Variants in RNF128 observed in about 807,000 individuals in gnomAD.
RNF128 encodes E3 ubiquitin-protein ligase RNF128.
RNF128 carries 13 observed loss-of-function variants against 26.2 expected under a neutral mutation model. The observed-to-expected ratio is 0.50, with a 90% CI of 0.32 to 0.79. The LOEUF (loss-of-function observed/expected upper bound fraction) is 0.79. RNF128 is among the 30% of genes least tolerant of loss of function. The pLI is 0.03. For missense variants in RNF128, 315 were observed against 349.7 expected (o/e 0.90, Z 0.79); for synonymous variants, 149 against 142.5 (o/e 1.05, Z -0.32).
At chrX:106,703,587 A>G in intron 1 of RNF128, among the ~76,000 whole-genome samples, 1 of 111,664 alleles carries the variant, frequency 9.0e-6, no homozygotes, top group East Asian at 2.8e-4. Context: ...ACTGTAAAAA[A>G]TGGTACAAAA....
At chrX:106,723,582 A>ATATG (rs757962818), upstream of RNF128, among the ~76,000 whole-genome samples, 651 of 110,563 alleles carry the variant, frequency 5.9e-3, 6 homozygotes, top group African/African-American at 0.021. Flanking sequence ...ATATATATAT[A>ATATG]TATGTATGTA....
chrX:106,704,190 CTTT>C (rs372889428), intron 1 of RNF128, among the ~76,000 whole-genome samples: 5 of 110,144 alleles, frequency 4.5e-5, no homozygotes, highest in African/African-American at 1.7e-4. Flanking sequence ...AATCCCAGCA[CTTT>C]GGGGGGCCAA....
intron 1 of RNF128, among the ~76,000 whole-genome samples, chrX:106,705,861 T>C (rs1367444057): frequency 9.0e-6 from 1 of 111,697 alleles, no homozygotes; most frequent in African/African-American, 3.3e-5. Flanking sequence ...ATATGCAAAA[T>C]GACCATATTT....
At chrX:106,746,874 A>T (rs1315745413) in intron 1 of RNF128, among the ~76,000 whole-genome samples, 2 of 111,524 alleles carry the variant, frequency 1.8e-5, no homozygotes, top group Non-Finnish European at 3.8e-5. Flanking sequence ...CGTTATTATT[A>T]ATGACTATTA....
intron 1 of RNF128, among the ~76,000 whole-genome samples, chrX:106,727,766 T>C (rs1233652484): frequency 9.0e-6 from 1 of 111,279 alleles, no homozygotes; most frequent in African/African-American, 3.3e-5. Flanking sequence ...GGAAATCTCT[T>C]CCTCACTCTG....
At chrX:106,790,393 T>C in intron 5 of RNF128, 111 bp downstream of exon 5, 2 of 459,718 alleles carry the variant, frequency 4.4e-6, no homozygotes, top group Non-Finnish European at 7.6e-6. Flanking sequence ...TTATAGTTTA[T>C]ACCTAAAACC....
Position 106,727,282 on chromosome X carries a change from C to T in RNF128, c.369C>T (p.Gly123=), listed in dbSNP as rs764419162. 1.2e-5 allele frequency: 14 copies of T among 1,211,374 alleles called. No homozygotes were observed. The Admixed American group carries it at 3.0e-4, about 26-fold the overall frequency. Residue 123 remains glycine, a synonymous_variant, in exon 1 of 7, where the codon GGC becomes GGT. Coordinates refer to ENST00000255499, the MANE Select transcript of RNF128 (RefSeq NM_194463.2). ...QVSWLALIQR[G]GGCTFADKIH... ...CTTGGTTGGCCCTCATCCAACGCGG[C>T]GGGGGCTGCACCTTCGCAGACAAGA...
At chrX:106,781,507 C>T (rs144926766) in intron 2 of RNF128, among the ~76,000 whole-genome samples, 1,736 of 110,799 alleles carry the variant, frequency 0.016, 34 homozygotes, top group African/African-American at 0.053. Flanking sequence ...AAGAGGGAGG[C>T]TTGCATCTTG....
intron 1 of RNF128, among the ~76,000 whole-genome samples, chrX:106,738,974 T>C (rs1294452165): frequency 8.9e-6 from 1 of 111,806 alleles, no homozygotes; most frequent in Non-Finnish European, 1.9e-5. Flanking sequence ...GAAACCCTGT[T>C]TGACTTTGTT....
intron 1 of RNF128, among the ~76,000 whole-genome samples, chrX:106,719,302 C>A (rs753928789): frequency 5.5e-4 from 61 of 110,663 alleles, no homozygotes; most frequent in African/African-American, 1.8e-3. Context: ...TCACTTCAAC[C>A]TCCCCCACCC....
chrX:106,742,639 ATACT>A (rs932003003), intron 1 of RNF128, among the ~76,000 whole-genome samples: 3 of 111,645 alleles, frequency 2.7e-5, no homozygotes, highest in African/African-American at 9.8e-5. Flanking sequence ...TTTTATAATA[ATACT>A]TACACATTGT....
At chrX:106,726,646 C>G, upstream of RNF128, 1 of 971,105 alleles carries the variant, frequency 1.0e-6, no homozygotes, top group South Asian at 3.2e-5. Context: ...CACCTCTACC[C>G]CCAGTCGGCT....
intron 1 of RNF128, among the ~76,000 whole-genome samples, chrX:106,761,915 A>G (rs1042091014): frequency 1.8e-5 from 2 of 108,579 alleles, no homozygotes; most frequent in African/African-American, 6.7e-5. Context: ...CTAAATTAAG[A>G]ACTTTTTTAT....
intron 1 of RNF128, among the ~76,000 whole-genome samples, chrX:106,765,156 G>C (rs1930195847): frequency 8.9e-6 from 1 of 112,180 alleles, no homozygotes; most frequent in Non-Finnish European, 1.9e-5. Flanking sequence ...ACATGACTCA[G>C]TAGAGTTTTA....
chrX:106,762,864 C>T (rs902877437), intron 1 of RNF128, among the ~76,000 whole-genome samples: 27 of 109,481 alleles, frequency 2.5e-4, no homozygotes, highest in African/African-American at 8.3e-4. Context: ...GACACCGGGG[C>T]CTACTTGAGG....
intron 2 of RNF128, among the ~76,000 whole-genome samples, chrX:106,777,672 G>A (rs1391599890): frequency 1.8e-5 from 2 of 111,595 alleles, no homozygotes; most frequent in African/African-American, 6.5e-5. Flanking sequence ...GATAATCCAC[G>A]GCCTCTTAAT....
chrX:106,752,157 G>A (rs940789005), intron 1 of RNF128, among the ~76,000 whole-genome samples: 1 of 111,014 alleles, frequency 9.0e-6, no homozygotes, highest in Non-Finnish European at 1.9e-5. Flanking sequence ...AAAGACACAA[G>A]CCTGGCTGGA....
At chrX:106,788,395 A>ATT (rs1930713357) in intron 4 of RNF128, among the ~76,000 whole-genome samples, 7 of 44,659 alleles carry the variant, frequency 1.6e-4, no homozygotes, top group African/African-American at 8.5e-4. Context: ...TATAATATAT[A>ATT]TTATATATAA....
At chrX:106,777,497 C>G (rs900208100) in intron 2 of RNF128, among the ~76,000 whole-genome samples, 20 of 111,487 alleles carry the variant, frequency 1.8e-4, no homozygotes, top group African/African-American at 6.5e-4. Flanking sequence ...GCTAACTGAA[C>G]AGTATATACA....
Sources: allele counts gnomAD v4.1 joint callset (sites outside exome capture counted in the v4.1 genomes callset), GRCh38; gene constraint gnomAD v4.1.1; transcripts MANE v1.5; gene names NCBI Gene and HGNC (gene_info 2026-07-23, HGNC 2026-07-21).